Variants in MICALL2 observed in about 807,000 individuals in gnomAD.
The protein encoded by MICALL2 is MICAL like 2, also known as MICAL-like protein 2.
In MICALL2, 111 loss-of-function variants were observed where a neutral mutation model predicts 91.1. The observed-to-expected ratio is 1.22, with a 90% CI of 1.04 to 1.43. The LOEUF (loss-of-function observed/expected upper bound fraction) is 1.43. Among genes scored for constraint, MICALL2 ranks in the 40% most tolerant of loss-of-function variants. The probability of loss-of-function intolerance (pLI) is 0.00; values close to 1 mark genes in which losing one functional copy is unlikely to be tolerated. For synonymous variants in MICALL2, 694 were observed against 525.3 expected (o/e 1.32, Z -4.39); for missense variants, 1,556 against 1,236.0 (o/e 1.26, Z -3.88).
chr7:1,458,110 C>T (rs1031551841), intron 1 of MICALL2, among the ~76,000 whole-genome samples: 3 of 152,238 alleles, frequency 2.0e-5, no homozygotes, highest in African/African-American at 7.2e-5. Context: ...GAGCAGGGGC[C>T]GAGGCTGTTG....
Position 1,437,968 on chromosome 7 carries a change from T to G in MICALL2, c.2324A>C (p.Asp775Ala), listed in dbSNP as rs1467538808. 1.3e-6 allele frequency: 2 copies of G among 1,550,334 alleles called. No individual in the cohort carries two copies. The change falls in exon 13 of 17, where the codon GAT becomes GCT. Residue 775 changes from aspartate (D) to alanine (A), a missense_variant. By Grantham distance (126) the Asp-to-Ala change is moderately radical (BLOSUM62 -2). Coordinates refer to ENST00000297508, the MANE Select transcript of MICALL2 (RefSeq NM_182924.4). ...LRAAEGDDAE[D>A]SLMVDWFWLI... ...CCAGAACCAGTCCACCATGAGGCTA[T>G]CCTCAGCGTCATCTGGGGAGAGGAG...
intron 1 of MICALL2, among the ~76,000 whole-genome samples, chr7:1,457,614 A>C (rs1781067053): frequency 6.6e-6 from 1 of 152,368 alleles, no homozygotes; most frequent in Admixed American, 6.5e-5. Flanking sequence ...CCACCGTGCC[A>C]GTGCATGCAC....
rs1779991358 is a variant in MICALL2 at position 1,436,855 on chromosome 7, C to T, written c.2478G>A (p.Glu826=). The change falls in exon 15 of 17, where the codon GAG becomes GAA. Residue 826 remains glutamate, a splice_region_variant and synonymous_variant. Coordinates refer to ENST00000297508, the MANE Select transcript of MICALL2 (RefSeq NM_182924.4). Reference sequence around the variant, plus strand: ...GCCGCTCCTGCAGTGACTTCAGAGCCTCTGTGGGGATGGCTCGTCAGCAGG... The same window carrying T: ...GCCGCTCCTGCAGTGACTTCAGAGCTTCTGTGGGGATGGCTCGTCAGCAGG... ...GELRRLMAKP[E]ALKSLQERRR... The T allele has an allele frequency of 6.3e-7, 1 of 1,583,618 alleles. No homozygotes were observed. Among genetic ancestry groups the T allele is most frequent in the Non-Finnish European group, 8.6e-7 (1 of 1,166,576 alleles).
At chr7:1,455,957 T>C (rs1439106978) in intron 1 of MICALL2, among the ~76,000 whole-genome samples, 1 of 151,902 alleles carries the variant, frequency 6.6e-6, no homozygotes, top group Non-Finnish European at 1.5e-5. Context: ...TCTGTGCCTG[T>C]CCCTCACACG....
Position 1,459,408 on chromosome 7 carries a change from C to T in MICALL2, c.-82G>A. ...TGCCGCGACCGCCCGGCCGGCGGGA[C>T]AGACGCTGGGACCGCTACGGAACCG... On this transcript the variant is annotated 5_prime_UTR_variant, in exon 1 of 17. Transcript: ENST00000297508. The T allele has an allele frequency of 7.6e-7, 1 of 1,314,884 alleles. No homozygotes were observed. The highest frequency in any genetic ancestry group is 9.8e-7 in the Non-Finnish European group (1 of 1,017,090). The allele number at this position is 1,314,884 out of a possible 1,614,324, so 81.5% of individuals were successfully genotyped here. A position where few individuals can be genotyped will look rare whatever the true frequency, so the allele number is the denominator to read the frequency against.
intron 6 of MICALL2, 94 bp downstream of exon 6, chr7:1,444,558 G>A (rs2128522224): frequency 8.1e-7 from 1 of 1,230,740 alleles, no homozygotes; most frequent in Non-Finnish European, 1.1e-6. Context: ...CACAGCCAGG[G>A]AGGTGCAGCG....
intron 2 of MICALL2, among the ~76,000 whole-genome samples, chr7:1,449,151 G>A (rs780975596): frequency 6.6e-5 from 10 of 152,324 alleles, no homozygotes; most frequent in African/African-American, 1.4e-4. Flanking sequence ...CACACAGGTC[G>A]CCATGTCAGG....
At chr7:1,449,482 G>T (rs777169194) in intron 2 of MICALL2, among the ~76,000 whole-genome samples, 3 of 152,050 alleles carry the variant, frequency 2.0e-5, no homozygotes, top group Non-Finnish European at 2.9e-5. Context: ...ACTAATTTTT[G>T]GTATTTTTAG....
intron 10 of MICALL2, 57 bp downstream of exon 10, chr7:1,438,783 C>T (rs1780112636): frequency 1.9e-6 from 3 of 1,542,770 alleles, no homozygotes; most frequent in Non-Finnish European, 2.6e-6. Context: ...ATTGCCTCCT[C>T]AGAGGAAGGC....
In MICALL2 at chr7:1,454,023, C is replaced by T. The variant is rs574367469; in HGVS notation, c.144-3735G>A. 3.3e-5 allele frequency among the ~76,000 whole-genome samples: 5 copies of T among 152,316 alleles called. No individual in the cohort carries two copies. In the South Asian group the frequency reaches 6.2e-4, roughly 19 times the overall value. ...CCCCACCACCCCTCTAACTGACCCACGACCATCAACTTCAGCCCATGGAGT... is the reference window on the plus strand; with the variant it reads ...CCCCACCACCCCTCTAACTGACCCATGACCATCAACTTCAGCCCATGGAGT... On this transcript the variant is annotated intron_variant, in intron 1 of 16. Transcript: ENST00000297508.
intron 9 of MICALL2, 169 bp downstream of exon 9, chr7:1,439,748 ACACACATG>A (rs369190388): frequency 9.1e-5 from 43 of 470,056 alleles, no homozygotes; most frequent in African/African-American, 7.5e-4. Flanking sequence ...CACATGCATC[ACACACATG>A]CACACATGTA....
In MICALL2 at chr7:1,434,375, C is replaced by T. The variant is rs193092092; in HGVS notation, c.*221G>A. On this transcript the variant is annotated 3_prime_UTR_variant, in exon 17 of 17. Transcript: ENST00000297508. ...ACGTAGGAGTCCGGGGCCATGTGGT[C>T]GGTTTCTTTATTGAGACCACAGACG... 6 of 667,210 alleles carry T rather than the reference C, an allele frequency of 9.0e-6. No homozygotes were observed. The highest frequency in any genetic ancestry group is 2.9e-5 in the East Asian group (1 of 34,956). 41.3% of individuals were successfully genotyped at this position (667,210 alleles called of 1,614,324 possible).
At position 1,442,412 on chromosome 7, in the gene MICALL2, G is replaced by C. The variant is rs1180698950; in HGVS notation, c.1491C>G (p.Ala497=). The change falls in exon 7 of 17, where the codon GCC becomes GCG. Residue 497 remains alanine, a synonymous_variant. Transcript: ENST00000297508. ...GGGGAGACGAGGACTGTAACGGCTT[G>C]GCTAAGGGACTTGCTTGTGGTGCTT... is the stretch of plus-strand genomic sequence containing the variant. ...KTEAPQASPL[A]KPLQSSSPRV... is the part of the protein sequence containing the mutation. The C allele has an allele frequency of 7.6e-6, 12 of 1,588,832 alleles. No individual in the cohort carries two copies. The highest frequency in any genetic ancestry group is 8.6e-6 in the Non-Finnish European group (10 of 1,166,166).
At chr7:1,443,287 G>A (rs1013718615) in intron 6 of MICALL2, among the ~76,000 whole-genome samples, 3 of 151,634 alleles carry the variant, frequency 2.0e-5, no homozygotes, top group South Asian at 2.1e-4. Flanking sequence ...GTGCCAGGAG[G>A]AGCAGAGCGA....
intron 1 of MICALL2, among the ~76,000 whole-genome samples, chr7:1,456,540 C>T (rs1276877208): frequency 3.9e-5 from 6 of 152,012 alleles, no homozygotes; most frequent in Admixed American, 1.3e-4. Flanking sequence ...GAGCTGAGAT[C>T]GCACCACTGC....
intron 10 of MICALL2, 196 bp from the exon 11 acceptor site, chr7:1,438,549 C>A (rs1029979559): frequency 1.4e-6 from 2 of 1,429,730 alleles, no homozygotes; most frequent in East Asian, 2.5e-5. Context: ...CAGCCCCACC[C>A]TGCACCCTGC....
At chr7:1,450,812 G>A (rs568209834) in intron 1 of MICALL2, among the ~76,000 whole-genome samples, 13 of 152,296 alleles carry the variant, frequency 8.5e-5, no homozygotes, top group South Asian at 6.2e-4. Flanking sequence ...GATCCACCTC[G>A]TCCCACACAT....
intron 1 of MICALL2, among the ~76,000 whole-genome samples, chr7:1,458,116 TG>T (rs1781083606): frequency 6.6e-6 from 1 of 152,254 alleles, no homozygotes; most frequent in Admixed American, 6.5e-5. Flanking sequence ...GGGCCGAGGC[TG>T]TTGCTCAAGA....
intron 1 of MICALL2, among the ~76,000 whole-genome samples, chr7:1,454,620 G>A (rs1014874714): frequency 5.3e-5 from 8 of 152,196 alleles, no homozygotes; most frequent in Non-Finnish European, 8.8e-5. Flanking sequence ...GGCCAGAGGC[G>A]GCCACAGAGG....
Sources: gnomAD v4.1 joint callset for allele counts (sites outside exome capture counted in the v4.1 genomes callset) on GRCh38, gnomAD v4.1.1 for gene constraint, MANE v1.5 for transcripts, NCBI Gene and HGNC (gene_info 2026-07-23, HGNC 2026-07-21) for gene names.